The following GPBP1 variants were observed in gnomAD, a reference collection of about 807,000 sequenced individuals.
GPBP1 encodes GC-rich promoter binding protein 1.
A neutral mutation model predicts 56.5 loss-of-function variants in GPBP1; 13 were observed. The observed-to-expected ratio is 0.23, with a 90% CI of 0.15 to 0.37. The LOEUF (loss-of-function observed/expected upper bound fraction) is 0.37. Among genes scored for constraint, GPBP1 ranks in the 10% least tolerant of loss-of-function variants. GPBP1 has a pLI of 1.00. For synonymous variants in GPBP1, 204 were observed against 188.9 expected, an observed-to-expected ratio of 1.08 and a Z score of -0.66; for missense variants, 477 against 572.3, an observed-to-expected ratio of 0.83 and a Z score of 1.70.
Position 57,214,279 on chromosome 5 carries a change from T to C in GPBP1, c.63+86T>C, listed in dbSNP as rs952821470. ...TAATTAAGTCATGGAGGAGTAATAATATCTTTGCAGAGAAGTACATTTGTG... is the reference window on the plus strand; with the variant it reads ...TAATTAAGTCATGGAGGAGTAATAACATCTTTGCAGAGAAGTACATTTGTG... On this transcript the variant is annotated intron_variant, in intron 3 of 11. Transcript: ENST00000506184. 5.1e-6 allele frequency: 6 copies of C among 1,168,750 alleles called. No individual in the cohort carries two copies. The East Asian group carries it at 1.2e-4, about 23-fold the overall frequency. 72.4% of individuals were successfully genotyped at this position (1,168,750 alleles called of 1,614,324 possible). A position where few individuals can be genotyped will look rare whatever the true frequency, so the allele number is the denominator to read the frequency against.
At chr5:57,184,024 G>A (rs1178486777) in intron 2 of GPBP1, among the ~76,000 whole-genome samples, 4 of 152,030 alleles carry the variant, frequency 2.6e-5, no homozygotes, top group African/African-American at 9.7e-5. Flanking sequence ...TTGAACCCAG[G>A]AATTTGAGAC....
intron 2 of GPBP1, among the ~76,000 whole-genome samples, chr5:57,211,265 C>G (rs959276335): frequency 2.0e-5 from 3 of 151,984 alleles, no homozygotes; most frequent in Non-Finnish European, 4.4e-5. Context: ...TAGCTCACTG[C>G]AGCCTCAAAC....
At chr5:57,222,517 CTGT>C (rs978803362) in intron 3 of GPBP1, among the ~76,000 whole-genome samples, 1 of 152,006 alleles carries the variant, frequency 6.6e-6, no homozygotes, top group African/African-American at 2.4e-5. Flanking sequence ...CATGAAATAA[CTGT>C]TTTTTCCCTT....
intron 3 of GPBP1, among the ~76,000 whole-genome samples, chr5:57,215,465 A>G (rs150351460): frequency 6.2e-4 from 94 of 152,258 alleles, no homozygotes; most frequent in Non-Finnish European, 1.1e-3. Context: ...TGATTGCTCT[A>G]TTGTTTTCAT....
At chr5:57,225,024 A>G (rs193032913) in intron 3 of GPBP1, among the ~76,000 whole-genome samples, 1 of 152,218 alleles carries the variant, frequency 6.6e-6, no homozygotes, top group Non-Finnish European at 1.5e-5. Flanking sequence ...ACCTCCCCAG[A>G]TGAAAAGTCT....
chr5:57,254,692 CAAAAA>C (rs541890019), intron 10 of GPBP1, among the ~76,000 whole-genome samples: 1 of 79,802 alleles, frequency 1.3e-5, no homozygotes, highest in Non-Finnish European at 2.7e-5. Context: ...GAGACTGTCT[CAAAAA>C]AAAAAAAAAA....
Position 57,209,664 on chromosome 5 carries a change from T to C in GPBP1, c.-57-4410T>C, listed in dbSNP as rs113860392. ...GTTTATCAGGTTGAGCAAGTTTCCT[T>C]CTTGTTTCTAGTTTGTTGAGTATTT... On this transcript the variant is annotated intron_variant, in intron 2 of 11. Coordinates refer to ENST00000506184, the MANE Select transcript of GPBP1 (RefSeq NM_022913.4). Among the ~76,000 whole-genome samples the C allele has an allele frequency of 2.1e-3, 314 of 152,292 alleles. 2 individuals are homozygous for C. Among genetic ancestry groups the C allele is most frequent in the African/African-American group, 7.0e-3 (291 of 41,546 alleles).
In GPBP1 at chr5:57,175,730, C is replaced by T; in HGVS notation, c.-728C>T. On this transcript the variant is annotated 5_prime_UTR_variant, in exon 2 of 12. Coordinates refer to ENST00000506184, the MANE Select transcript of GPBP1 (RefSeq NM_022913.4). The stretch of plus-strand genomic sequence containing the variant: ...TGGTGGTAATTTTTGCCTCCCCTTC[C>T]CCCACCCCGTTGTTGGGGTTCTTCA... The T allele has an allele frequency of 2.5e-6, 1 of 396,556 alleles. No individual in the cohort carries two copies. The highest frequency in any genetic ancestry group is 2.1e-5 in the African/African-American group (1 of 48,698). 24.6% of individuals were successfully genotyped at this position (396,556 alleles called of 1,614,324 possible). A position where few individuals can be genotyped will look rare whatever the true frequency, so the allele number is the denominator to read the frequency against.
chr5:57,204,394 C>T (rs1274702734), intron 2 of GPBP1, among the ~76,000 whole-genome samples: 1 of 152,032 alleles, frequency 6.6e-6, no homozygotes, highest in Non-Finnish European at 1.5e-5. Flanking sequence ...GGACAACAGG[C>T]CTGCACCACC....
chr5:57,219,386 A>AC (rs1561348157), intron 3 of GPBP1, among the ~76,000 whole-genome samples: 1 of 58,396 alleles, frequency 1.7e-5, no homozygotes, highest in African/African-American at 1.2e-4. Context: ...AAAAAAAAAA[A>AC]AAAAAAAAAA....
At chr5:57,221,394 AAAGT>A (rs564285039) in intron 3 of GPBP1, 103 of 1,521,930 alleles carry the variant, frequency 6.8e-5, no homozygotes, top group Admixed American at 4.8e-4. Context: ...CAGCAGTTTG[AAAGT>A]AAGTATTACT....
Position 57,219,403 on chromosome 5 carries a change from AC to A in GPBP1, c.63+5212del, listed in dbSNP as rs1561348306. ...AAAAAAAAAAAAAAAAAAAAAAAAA[AC>A]CAAAAACAAACAAACAAAAAAAAAA... On this transcript the variant is annotated intron_variant, in intron 3 of 11. Coordinates refer to ENST00000506184, the MANE Select transcript of GPBP1 (RefSeq NM_022913.4). Among the ~76,000 whole-genome samples, 17 of 60,054 alleles carry A rather than the reference AC, an allele frequency of 2.8e-4. 1 individual carries two copies. The highest frequency in any genetic ancestry group is 7.0e-4 in the Admixed American group (3 of 4,272). The allele number at this position is 60,054 out of a possible 152,430, so 39.4% of individuals were successfully genotyped here.
At chr5:57,234,058 C>A (rs1756567819) in intron 5 of GPBP1, among the ~76,000 whole-genome samples, 1 of 152,056 alleles carries the variant, frequency 6.6e-6, no homozygotes, top group South Asian at 2.1e-4. Flanking sequence ...CACATGTAAC[C>A]ACCGCCAAAA....
intron 2 of GPBP1, among the ~76,000 whole-genome samples, chr5:57,205,452 CAT>C (rs1755192031): frequency 1.3e-5 from 2 of 152,260 alleles, no homozygotes; most frequent in Admixed American, 6.5e-5. Context: ...ATTTCTGAGT[CAT>C]GTGGTAATTG....
At chr5:57,235,812 T>G (rs1436905001) in intron 5 of GPBP1, among the ~76,000 whole-genome samples, 154 bp from the exon 6 acceptor site, 1 of 152,184 alleles carries the variant, frequency 6.6e-6, no homozygotes, top group African/African-American at 2.4e-5. Flanking sequence ...ACTCAAAAAG[T>G]TTCAGATTTT....
At chr5:57,227,526 C>T (rs1756250020) in intron 3 of GPBP1, among the ~76,000 whole-genome samples, 1 of 152,170 alleles carries the variant, frequency 6.6e-6, no homozygotes, top group African/African-American at 2.4e-5. Flanking sequence ...GCCAAGAATG[C>T]AAAATCTTGA....
At chr5:57,193,278 T>A (rs1031505503) in intron 2 of GPBP1, among the ~76,000 whole-genome samples, 3 of 151,998 alleles carry the variant, frequency 2.0e-5, no homozygotes, top group Non-Finnish European at 4.4e-5. Context: ...ATCGAGCCCT[T>A]GTGCTCTCGC....
intron 3 of GPBP1, among the ~76,000 whole-genome samples, chr5:57,216,652 G>A (rs1442539897): frequency 6.6e-6 from 1 of 152,080 alleles, no homozygotes; most frequent in Non-Finnish European, 1.5e-5. Flanking sequence ...TGCCACTGCA[G>A]TCCAGCCTGG....
chr5:57,238,415 G>A (rs1355736975), intron 6 of GPBP1, among the ~76,000 whole-genome samples: 8 of 152,118 alleles, frequency 5.3e-5, no homozygotes, highest in African/African-American at 9.7e-5. Flanking sequence ...AGAATTAGCC[G>A]GGTGTGGTGG....
Sources: gnomAD v4.1 joint callset for allele counts (sites outside exome capture counted in the v4.1 genomes callset) on GRCh38, gnomAD v4.1.1 for gene constraint, MANE v1.5 for transcripts, NCBI Gene and HGNC (gene_info 2026-07-23, HGNC 2026-07-21) for gene names.